C1QTNF7: variants seen among roughly 807,000 people sequenced by gnomAD.
C1QTNF7 encodes the protein C1q and TNF related 7, also known as complement C1q tumor necrosis factor-related protein 7.
C1QTNF7 carries 15 observed loss-of-function variants against 19.6 expected under a neutral mutation model. That is an observed-to-expected ratio of 0.76 (90% CI 0.51 to 1.18). The LOEUF is 1.18. Ranked by LOEUF, C1QTNF7 falls within the 50% of genes most tolerant of loss-of-function variation. The probability of loss-of-function intolerance (pLI) is 0.00; values close to 1 mark genes in which losing one functional copy is unlikely to be tolerated. For missense variants in C1QTNF7, 324 were observed against 359.7 expected, an observed-to-expected ratio of 0.90 and a Z score of 0.80; for synonymous variants, 142 against 137.5, an observed-to-expected ratio of 1.03 and a Z score of -0.23.
intron 1 of C1QTNF7, among the ~76,000 whole-genome samples, chr4:15,364,519 G>C (rs1355972834): frequency 6.6e-6 from 1 of 152,208 alleles, no homozygotes; most frequent in African/African-American, 2.4e-5. Flanking sequence ...TTATGGAAGA[G>C]AGATGCTCAG....
intron 1 of C1QTNF7, among the ~76,000 whole-genome samples, chr4:15,407,525 A>G (rs991093009): frequency 6.6e-6 from 1 of 152,190 alleles, no homozygotes; most frequent in African/African-American, 2.4e-5. Context: ...CATCCAGTGG[A>G]TATCACACAT....
intron 1 of C1QTNF7, among the ~76,000 whole-genome samples, chr4:15,432,658 G>C (rs959775450): frequency 2.6e-5 from 4 of 152,200 alleles, no homozygotes; most frequent in African/African-American, 9.7e-5. Context: ...GCCACCCAAA[G>C]TGCTGGGAAT....
At chr4:15,366,931 T>C (rs1009521573) in intron 1 of C1QTNF7, among the ~76,000 whole-genome samples, 1 of 152,146 alleles carries the variant, frequency 6.6e-6, no homozygotes, top group African/African-American at 2.4e-5. Context: ...ATAGTGATGA[T>C]TGTGAAACTA....
At chr4:15,440,373 T>C (rs969487259) in intron 2 of C1QTNF7, among the ~76,000 whole-genome samples, 3 of 151,848 alleles carry the variant, frequency 2.0e-5, no homozygotes, top group Non-Finnish European at 4.4e-5. Context: ...TAAGAAGGCT[T>C]GGATTCTAGT....
At chr4:15,369,107 C>T (rs1033879089) in intron 1 of C1QTNF7, among the ~76,000 whole-genome samples, 1 of 152,196 alleles carries the variant, frequency 6.6e-6, no homozygotes, top group Non-Finnish European at 1.5e-5. Flanking sequence ...GTGTTCATTT[C>T]CCTCGGCTTC....
intron 1 of C1QTNF7, among the ~76,000 whole-genome samples, chr4:15,406,945 T>C (rs1378419885): frequency 4.6e-5 from 7 of 152,166 alleles, no homozygotes; most frequent in Non-Finnish European, 1.5e-5. Flanking sequence ...TTTATTCATC[T>C]ACTCTAATTT....
At chr4:15,430,086 T>C (rs1000468085) in intron 1 of C1QTNF7, among the ~76,000 whole-genome samples, 4 of 152,180 alleles carry the variant, frequency 2.6e-5, no homozygotes, top group African/African-American at 9.7e-5. Flanking sequence ...GCTCCATGAC[T>C]AAATAAATTC....
At chr4:15,405,274 G>A (rs1719150766) in intron 1 of C1QTNF7, among the ~76,000 whole-genome samples, 2 of 152,140 alleles carry the variant, frequency 1.3e-5, no homozygotes, top group African/African-American at 4.8e-5. Context: ...ACTTGACATT[G>A]CATCTGTGTC....
At chr4:15,382,411 A>G (rs1287892116) in intron 1 of C1QTNF7, among the ~76,000 whole-genome samples, 1 of 152,190 alleles carries the variant, frequency 6.6e-6, no homozygotes, top group Non-Finnish European at 1.5e-5. Context: ...AAAGCAAAAA[A>G]AAAAAAATTC....
intron 1 of C1QTNF7, among the ~76,000 whole-genome samples, chr4:15,361,921 G>T (rs761437789): frequency 4.6e-5 from 7 of 152,058 alleles, no homozygotes; most frequent in Non-Finnish European, 1.0e-4. Flanking sequence ...AAGAAGCTGA[G>T]TTCTCAAAAT....
chr4:15,407,326 C>A (rs1157996817), intron 1 of C1QTNF7, among the ~76,000 whole-genome samples: 1 of 152,118 alleles, frequency 6.6e-6, no homozygotes, highest in Non-Finnish European at 1.5e-5. Context: ...ACAGAACTTG[C>A]AAAGTAGTTA....
chr4:15,428,501 C>T (rs1236741144), intron 1 of C1QTNF7, among the ~76,000 whole-genome samples: 1 of 128,702 alleles, frequency 7.8e-6, no homozygotes, highest in South Asian at 2.4e-4. Flanking sequence ...TGAGCCTCTA[C>T]TGTAGACTAG....
intron 1 of C1QTNF7, among the ~76,000 whole-genome samples, chr4:15,405,323 G>C (rs1317558530): frequency 6.6e-6 from 1 of 152,170 alleles, no homozygotes; most frequent in Non-Finnish European, 1.5e-5. Flanking sequence ...GTGCTGATTG[G>C]ATCTGTGTCC....
At chr4:15,407,252 G>C (rs990602070) in intron 1 of C1QTNF7, among the ~76,000 whole-genome samples, 2 of 152,144 alleles carry the variant, frequency 1.3e-5, no homozygotes, top group Non-Finnish European at 2.9e-5. Context: ...TATGGACCTA[G>C]GAAATAGCCA....
At chr4:15,383,373 C>A (rs1718217934) in intron 1 of C1QTNF7, among the ~76,000 whole-genome samples, 1 of 152,228 alleles carries the variant, frequency 6.6e-6, no homozygotes, top group African/African-American at 2.4e-5. Flanking sequence ...CTAATACCAA[C>A]AGACTTAAGC....
At chr4:15,405,984 T>C (rs1305074391) in intron 1 of C1QTNF7, among the ~76,000 whole-genome samples, 1 of 152,200 alleles carries the variant, frequency 6.6e-6, no homozygotes, top group Non-Finnish European at 1.5e-5. Flanking sequence ...TTGCATCATT[T>C]AGATCTCTAC....
At chr4:15,349,492 G>A (rs1226550771) in intron 1 of C1QTNF7, among the ~76,000 whole-genome samples, 1 of 152,146 alleles carries the variant, frequency 6.6e-6, no homozygotes, top group African/African-American at 2.4e-5. Flanking sequence ...GCAAAATAAA[G>A]CAGTTTAAAT....
chr4:15,399,019 A>C (rs1231136228), intron 1 of C1QTNF7, among the ~76,000 whole-genome samples: 1 of 151,902 alleles, frequency 6.6e-6, no homozygotes, highest in East Asian at 1.9e-4. Context: ...TGTTTACTGG[A>C]GTTGTATGCA....
At chr4:15,424,817 C>T (rs1016541324), upstream of C1QTNF7, among the ~76,000 whole-genome samples, 1 of 152,122 alleles carries the variant, frequency 6.6e-6, no homozygotes, top group Non-Finnish European at 1.5e-5. Context: ...AGTTCTAAGT[C>T]GATGTATGAG....
Sources: allele counts gnomAD v4.1 joint callset (sites outside exome capture counted in the v4.1 genomes callset), GRCh38; gene constraint gnomAD v4.1.1; transcripts MANE v1.5; gene names NCBI Gene and HGNC (gene_info 2026-07-23, HGNC 2026-07-21).